Variants in PPP1R8 observed in about 807,000 individuals in gnomAD.
PPP1R8 encodes the protein nuclear inhibitor of protein phosphatase 1.
In PPP1R8, 4 loss-of-function variants were observed where a neutral mutation model predicts 31.3. That is an observed-to-expected ratio of 0.13 (90% CI 0.06 to 0.29). PPP1R8 has a LOEUF of 0.29. Ranked by LOEUF, PPP1R8 falls within the 10% of genes least tolerant of loss-of-function variation. The pLI, the probability that PPP1R8 is intolerant of heterozygous loss-of-function variation, is 1.00. For missense variants in PPP1R8, 254 were observed against 440.1 expected (o/e 0.58, Z 3.78); for synonymous variants, 170 against 169.7 (o/e 1.00, Z -0.01).
chr1:27,848,455 T>G (rs1457251512), intron 6 of PPP1R8, among the ~76,000 whole-genome samples: 1 of 152,100 alleles, frequency 6.6e-6, no homozygotes, highest in African/African-American at 2.4e-5. Context: ...ACAGAGATGC[T>G]CCGATCGTTC....
At chr1:27,837,353 C>T (rs2089177071) in intron 2 of PPP1R8, among the ~76,000 whole-genome samples, 1 of 151,030 alleles carries the variant, frequency 6.6e-6, no homozygotes, top group African/African-American at 2.4e-5. Context: ...ATGGTGTGAA[C>T]CCGGGAGGCA....
Position 27,850,518 on chromosome 1 carries a change from A to G in PPP1R8, c.*72A>G, listed in dbSNP as rs1250447455. On this transcript the variant is annotated 3_prime_UTR_variant, in exon 7 of 7. Coordinates refer to ENST00000311772, the MANE Select transcript of PPP1R8 (RefSeq NM_014110.5). ...AAGGGTGATGGGGAGCTAATGAACTAGGGAGAAAAACTTTCCATGTGTGCG... is the reference window on the plus strand; with the variant it reads ...AAGGGTGATGGGGAGCTAATGAACTGGGGAGAAAAACTTTCCATGTGTGCG... 7.3e-6 allele frequency: 10 copies of G among 1,367,088 alleles called. No individual in the cohort carries two copies. The highest frequency in any genetic ancestry group is 1.0e-5 in the Non-Finnish European group (10 of 1,003,740). 84.7% of individuals were successfully genotyped at this position (1,367,088 alleles called of 1,614,324 possible). A position where few individuals can be genotyped will look rare whatever the true frequency, so the allele number is the denominator to read the frequency against.
chr1:27,834,594 A>G, intron 2 of PPP1R8: 1 of 511,558 alleles, frequency 2.0e-6, no homozygotes, highest in Non-Finnish European at 3.9e-6. Context: ...ATAGCTAGTC[A>G]AGAAGCTACG....
intron 2 of PPP1R8, among the ~76,000 whole-genome samples, chr1:27,834,218 A>G (rs1364021366): frequency 2.0e-5 from 3 of 152,198 alleles, no homozygotes; most frequent in African/African-American, 7.2e-5. Context: ...TTACATTTTC[A>G]AAACACTCTA....
At chr1:27,850,071 C>G in intron 6 of PPP1R8, 22 bp from the exon 7 acceptor site, 1 of 1,527,392 alleles carries the variant, frequency 6.5e-7, no homozygotes, top group Non-Finnish European at 8.8e-7. Flanking sequence ...AATCTCTCCC[C>G]TCTCCTCATC....
At chr1:27,834,016 G>A (rs2089137443) in intron 2 of PPP1R8, among the ~76,000 whole-genome samples, 1 of 152,168 alleles carries the variant, frequency 6.6e-6, no homozygotes, top group African/African-American at 2.4e-5. Flanking sequence ...TAAAATATCT[G>A]TAAAACCTTT....
In PPP1R8 at chr1:27,851,644, T is replaced by C. The variant is rs1283355883; in HGVS notation, c.*1198T>C. 2.1e-6 allele frequency: 1 copy of C among 486,138 alleles called. No homozygotes were observed. Among genetic ancestry groups the C allele is most frequent in the East Asian group, 5.8e-5 (1 of 17,304 alleles). The allele number at this position is 486,138 out of a possible 1,614,324, so 30.1% of individuals were successfully genotyped here. On this transcript the variant is annotated 3_prime_UTR_variant, in exon 7 of 7. Coordinates refer to ENST00000311772, the MANE Select transcript of PPP1R8 (RefSeq NM_014110.5). ...AGGCAATGCTCCATCCCCATTATAT[T>C]ACAAATAAAGATGCCCTAAATGAGT... is the stretch of plus-strand genomic sequence containing the variant.
intron 2 of PPP1R8, among the ~76,000 whole-genome samples, chr1:27,835,998 G>A (rs2089161051): frequency 6.6e-6 from 1 of 152,184 alleles, no homozygotes; most frequent in Non-Finnish European, 1.5e-5. Flanking sequence ...GCTTGCATGA[G>A]GTGTATCTTT....
Position 27,847,196 on chromosome 1 carries a change from G to A in PPP1R8, c.702+104G>A, listed in dbSNP as rs1363499811. 6.0e-6 allele frequency: 7 copies of A among 1,164,508 alleles called. No individual in the cohort carries two copies. The East Asian group carries it at 1.4e-4, about 24-fold the overall frequency. The allele number at this position is 1,164,508 out of a possible 1,614,324, so 72.1% of individuals were successfully genotyped here. On this transcript the variant is annotated intron_variant, in intron 6 of 6. Coordinates refer to ENST00000311772, the MANE Select transcript of PPP1R8 (RefSeq NM_014110.5). ...AATCCAAGCACTTTGGGAGGCTGAG[G>A]CAGGCAGATCAAGAGGTCAAGAAAT...
At chr1:27,846,505 C>G (rs1323554662) in intron 5 of PPP1R8, among the ~76,000 whole-genome samples, 3 of 152,250 alleles carry the variant, frequency 2.0e-5, no homozygotes, top group Admixed American at 6.5e-5. Context: ...AGGCCAGGTT[C>G]AGTTTGAAGC....
chr1:27,839,666 T>C (rs1557428152), intron 3 of PPP1R8, among the ~76,000 whole-genome samples: 2 of 152,214 alleles, frequency 1.3e-5, no homozygotes, highest in African/African-American at 4.8e-5. Context: ...AGCAGCAACA[T>C]AGGGCATTTT....
chr1:27,844,884 ATTTTTTTTTTTTTTT>A (rs765514573), intron 5 of PPP1R8, among the ~76,000 whole-genome samples: 5 of 72,396 alleles, frequency 6.9e-5, no homozygotes, highest in African/African-American at 5.1e-4. Flanking sequence ...TGCCCGACTA[ATTTTTTTTTTTTTTT>A]TTTTTTTTTT....
chr1:27,835,307 A>G (rs74951595), intron 2 of PPP1R8, among the ~76,000 whole-genome samples: 18 of 152,322 alleles, frequency 1.2e-4, no homozygotes, highest in East Asian at 1.9e-4. Context: ...GAGAAGTGCA[A>G]TGAGATTCAG....
intron 1 of PPP1R8, 46 bp downstream of exon 1, chr1:27,830,937 G>T (rs754882019): frequency 3.4e-5 from 51 of 1,502,674 alleles, no homozygotes; most frequent in Non-Finnish European, 4.2e-5. Context: ...GCCGGAGCTA[G>T]CCTGGGCTGG....
At chr1:27,848,945 C>CT (rs1396995602) in intron 6 of PPP1R8, among the ~76,000 whole-genome samples, 1 of 152,200 alleles carries the variant, frequency 6.6e-6, no homozygotes, top group Admixed American at 6.5e-5. Context: ...CCACCATAAT[C>CT]AAGATAGAGA....
At chr1:27,842,122 C>T (rs1449903211) in intron 4 of PPP1R8, among the ~76,000 whole-genome samples, 2 of 152,180 alleles carry the variant, frequency 1.3e-5, no homozygotes, top group African/African-American at 4.8e-5. Flanking sequence ...GGGCGGATCA[C>T]CTGAGGTCAG....
At chr1:27,837,731 C>T (rs6670618) in intron 2 of PPP1R8, among the ~76,000 whole-genome samples, 3,355 of 148,840 alleles carry the variant, frequency 0.023, 110 homozygotes, top group African/African-American at 0.077. Context: ...GCCGAGATCG[C>T]ACCACTGCAC....
chr1:27,832,263 AT>A (rs1486471241), intron 1 of PPP1R8, among the ~76,000 whole-genome samples: 1 of 152,182 alleles, frequency 6.6e-6, no homozygotes, highest in Non-Finnish European at 1.5e-5. Context: ...ATGATTTTGA[AT>A]TGCCCTAGTT....
At chr1:27,839,903 A>T (rs1351902456) in intron 3 of PPP1R8, among the ~76,000 whole-genome samples, 1 of 152,040 alleles carries the variant, frequency 6.6e-6, no homozygotes, top group Non-Finnish European at 1.5e-5. Context: ...CTACAAAAAA[A>T]TACAAAAAGT....
Sources: allele counts gnomAD v4.1 joint callset (sites outside exome capture counted in the v4.1 genomes callset), GRCh38; gene constraint gnomAD v4.1.1; transcripts MANE v1.5; gene names NCBI Gene and HGNC (gene_info 2026-07-23, HGNC 2026-07-21).